SBNO2: variants seen among roughly 807,000 people sequenced by gnomAD.
SBNO2 encodes the protein strawberry notch homolog 2.
A neutral mutation model predicts 146.3 loss-of-function variants in SBNO2; 89 were observed. That is an observed-to-expected ratio of 0.61 (90% CI 0.51 to 0.73). The LOEUF (loss-of-function observed/expected upper bound fraction) is 0.73, where lower values mean the gene tolerates loss of function less well. Ranked by LOEUF, SBNO2 falls within the 30% of genes least tolerant of loss-of-function variation. The pLI is 0.00. For missense variants in SBNO2, 2,092 were observed against 2,003.7 expected (o/e 1.04, Z -0.84); for synonymous variants, 1,147 against 892.6 (o/e 1.29, Z -5.08).
intron 17 of SBNO2, among the ~76,000 whole-genome samples, chr19:1,114,891 C>G (rs562010719): frequency 6.6e-6 from 1 of 151,884 alleles, no homozygotes; most frequent in Admixed American, 6.6e-5. Flanking sequence ...CCTCAGCCTC[C>G]CAAAGTGCTG....
At chr19:1,125,916 C>T (rs528652262) in intron 5 of SBNO2, among the ~76,000 whole-genome samples, 89 of 152,234 alleles carry the variant, frequency 5.8e-4, no homozygotes, top group African/African-American at 2.0e-3. Context: ...ATCGCTTTAA[C>T]CCAGAAGGTC....
Position 1,118,971 on chromosome 19 carries a change from G to A in SBNO2, c.1527+40C>T, listed in dbSNP as rs112028290. 5.0e-4 allele frequency: 774 copies of A among 1,547,684 alleles called. 2 individuals carry two copies. The African/African-American group carries it at 9.2e-3, about 18-fold the overall frequency. ...GCCACGGGGGAGCAATTTCACCCGG[G>A]AAACGCACAGGGGTCCCCGGGTCGG... On this transcript the variant is annotated intron_variant, in intron 14 of 31. Transcript: ENST00000361757.
rs12983815 is a variant in SBNO2, at chr19:1,144,927, G to A, written c.279+2382C>T. ...GCGGAGATGGAGACAGAGACAGAGA[G>A]ACAGAGACAGAGAGGGAGACAGAGA... On this transcript the variant is annotated intron_variant, in intron 4 of 31. Coordinates refer to ENST00000361757, the MANE Select transcript of SBNO2 (RefSeq NM_014963.3). The surrounding 1 kb of genome is among the most constrained non-coding windows in gnomAD (Gnocchi z 4.1). Among the ~76,000 whole-genome samples the A allele has an allele frequency of 6.6e-6, 1 of 150,790 alleles. No homozygotes were observed. Among genetic ancestry groups the A allele is most frequent in the African/African-American group, 2.4e-5 (1 of 40,856 alleles).
At chr19:1,114,628 T>TG (rs1264071423) in intron 17 of SBNO2, among the ~76,000 whole-genome samples, 8 of 143,606 alleles carry the variant, frequency 5.6e-5, no homozygotes, top group Non-Finnish European at 1.2e-4. Flanking sequence ...GGGTACGGTG[T>TG]GGGGGGCCAT....
At position 1,136,857 on chromosome 19, in the gene SBNO2, G is replaced by A. The variant is rs1264302894; in HGVS notation, c.280-9092C>T. Among the ~76,000 whole-genome samples the A allele has an allele frequency of 6.6e-6, 1 of 152,084 alleles. No individual in the cohort carries two copies. The highest frequency in any genetic ancestry group is 6.5e-5 in the Admixed American group (1 of 15,272). On this transcript the variant is annotated intron_variant, in intron 4 of 31. Coordinates refer to ENST00000361757, the MANE Select transcript of SBNO2 (RefSeq NM_014963.3). The surrounding 1 kb of genome is among the most constrained non-coding windows in gnomAD (Gnocchi z 4.2). ...CTTCCCAGAAGCCCCCGGGCTGCCA[G>A]GCAGAGAGTGTTGTTACCGGACAGC...
At chr19:1,151,326 G>A (rs974926415) in intron 2 of SBNO2, among the ~76,000 whole-genome samples, 20 of 152,200 alleles carry the variant, frequency 1.3e-4, no homozygotes, top group Non-Finnish European at 1.9e-4. Context: ...GTCGCAGGGC[G>A]GGAGGATCCA....
At chr19:1,163,369 G>A (rs1000939424) in intron 1 of SBNO2, among the ~76,000 whole-genome samples, 1 of 152,212 alleles carries the variant, frequency 6.6e-6, no homozygotes, top group South Asian at 2.1e-4. Flanking sequence ...GGGAGGGGCA[G>A]GAAGGGTCCT....
chr19:1,165,205 C>T (rs1343192230), intron 1 of SBNO2, among the ~76,000 whole-genome samples: 2 of 152,160 alleles, frequency 1.3e-5, no homozygotes, highest in Admixed American at 1.3e-4. Flanking sequence ...TCAGGAGCTC[C>T]ACCAGGTCAG....
Position 1,119,891 on chromosome 19 carries a change from T to G in SBNO2, c.1267+15A>C, listed in dbSNP as rs111666569. 94 of 1,532,936 alleles carry G rather than the reference T, an allele frequency of 6.1e-5. No homozygotes were observed. The highest frequency in any genetic ancestry group is 7.9e-5 in the Admixed American group (4 of 50,886). The allele number at this position is 1,532,936 out of a possible 1,614,324, so 95.0% of individuals were successfully genotyped here. The stretch of plus-strand genomic sequence containing the variant: ...GCTGCTGCGGGTGGGTCACGTGGGA[T>G]CCGCACCGCCCCACCTGTGGCGCTG... On this transcript the variant is annotated intron_variant, in intron 12 of 31. Coordinates refer to ENST00000361757, the MANE Select transcript of SBNO2 (RefSeq NM_014963.3).
intron 6 of SBNO2, 66 bp downstream of exon 6, chr19:1,123,876 G>A (rs2079934360): frequency 2.0e-6 from 3 of 1,496,866 alleles, no homozygotes; most frequent in Non-Finnish European, 2.7e-6. Context: ...AGATGCCTGT[G>A]CTGAGCCCTC....
At chr19:1,142,988 T>C (rs2145285917) in intron 4 of SBNO2, among the ~76,000 whole-genome samples, 1 of 152,158 alleles carries the variant, frequency 6.6e-6, no homozygotes, top group East Asian at 1.9e-4. Flanking sequence ...CATGACTAGC[T>C]GTCTCGTTAT....
At position 1,147,434 on chromosome 19, in the gene SBNO2, G is replaced by GAGGGC. The variant is rs762035681; in HGVS notation, c.168-15_168-14insGCCCT. The GAGGGC allele has an allele frequency of 2.6e-6, 3 of 1,133,348 alleles. No individual in the cohort carries two copies. The highest frequency in any genetic ancestry group is 3.6e-6 in the Non-Finnish European group (3 of 838,414). 70.2% of individuals were successfully genotyped at this position (1,133,348 alleles called of 1,614,324 possible). A position where few individuals can be genotyped will look rare whatever the true frequency, so the allele number is the denominator to read the frequency against. On this transcript the variant is annotated splice_polypyrimidine_tract_variant and intron_variant, in intron 3 of 31. Coordinates refer to ENST00000361757, the MANE Select transcript of SBNO2 (RefSeq NM_014963.3). ...CTCATGAACGGGCTGGAGGGAGATG[G>GAGGGC]GGGGGGGGGAGGTGAGATGGGGTGC...
intron 3 of SBNO2, among the ~76,000 whole-genome samples, chr19:1,148,297 C>G (rs1199759820): frequency 6.6e-6 from 1 of 152,024 alleles, no homozygotes; most frequent in Non-Finnish European, 1.5e-5. Flanking sequence ...GAAGCATCCA[C>G]TCCACTCCCG....
chr19:1,116,199 G>A, intron 16 of SBNO2, 96 bp from the exon 17 acceptor site: 1 of 1,159,158 alleles, frequency 8.6e-7, no homozygotes, highest in South Asian at 1.4e-5. Flanking sequence ...TCCCTGTGGG[G>A]GTCCCGGACA....
intron 4 of SBNO2, among the ~76,000 whole-genome samples, chr19:1,135,619 G>A (rs775080478): frequency 1.1e-4 from 16 of 152,208 alleles, no homozygotes; most frequent in African/African-American, 2.7e-4. Flanking sequence ...CTCTCCCTCC[G>A]CCTCTGTCCA....
chr19:1,166,231 A>ACCTCAGATCCCAGACTTCAGAT (rs1555729311), intron 1 of SBNO2, among the ~76,000 whole-genome samples: 1 of 76,534 alleles, frequency 1.3e-5, no homozygotes, highest in Non-Finnish European at 2.8e-5. Flanking sequence ...GAGATTCCAG[A>ACCTCAGATCCCAGACTTCAGAT]CCCCAGATCC....
intron 4 of SBNO2, among the ~76,000 whole-genome samples, chr19:1,146,493 C>G (rs754610976): frequency 6.6e-6 from 1 of 152,142 alleles, no homozygotes; most frequent in Non-Finnish European, 1.5e-5. Flanking sequence ...CTCACATGCC[C>G]ATTACACAGG....
rs772310237 is a variant in SBNO2 at position 1,109,464 on chromosome 19, C to T, written c.3217-41G>A. 3 of 1,567,548 alleles carry T rather than the reference C, an allele frequency of 1.9e-6. No individual in the cohort carries two copies. Among genetic ancestry groups the T allele is most frequent in the Admixed American group, 3.8e-5 (2 of 52,544 alleles). On this transcript the variant is annotated intron_variant, in intron 28 of 31. Coordinates refer to ENST00000361757, the MANE Select transcript of SBNO2 (RefSeq NM_014963.3). The surrounding 1 kb of genome is among the most constrained non-coding windows in gnomAD (Gnocchi z 4.2). ...TTGAGGCCGCGCCCCGGTCCGCCCC[C>T]CGCGGGCCCTCCTCTGGGGGGGTAA...
chr19:1,126,037 C>T lies in SBNO2; in HGVS notation c.441+1567G>A, dbSNP rs1286231573. Among the ~76,000 whole-genome samples the T allele has an allele frequency of 6.6e-6, 1 of 152,176 alleles. No individual in the cohort carries two copies. The highest frequency in any genetic ancestry group is 6.5e-5 in the Admixed American group (1 of 15,270). ...AATAAATAAGAGCATCTCTTCTAGA[C>T]CCGGTCCCCCCCTTGAACTCCAACG... On this transcript the variant is annotated intron_variant, in intron 5 of 31. Transcript: ENST00000361757. This position sits in a 1 kb window ranked among gnomAD's most constrained non-coding sequence, Gnocchi z 4.4.
Sources: gnomAD v4.1 joint callset for allele counts (sites outside exome capture counted in the v4.1 genomes callset) on GRCh38, gnomAD v4.1.1 for gene constraint, Gnocchi (gnomAD v3.1) non-coding constraint, MANE v1.5 for transcripts, NCBI Gene and HGNC (gene_info 2026-07-23, HGNC 2026-07-21) for gene names.